Variants in SUPT20H observed in about 807,000 individuals in gnomAD.
SUPT20H encodes the protein transcription factor SPT20 homolog.
SUPT20H carries 82 observed loss-of-function variants against 122.8 expected under a neutral mutation model. That is an observed-to-expected ratio of 0.67 (90% CI 0.56 to 0.80). The LOEUF is 0.80. SUPT20H is among the 30% of genes least tolerant of loss of function. The pLI is 0.00. For synonymous variants in SUPT20H, 291 were observed against 313.0 expected (o/e 0.93, Z 0.74); for missense variants, 831 against 921.6 (o/e 0.90, Z 1.27).
chr13:37,013,399 G>C (rs763307696), intron 23 of SUPT20H: 1 of 150,696 alleles, frequency 6.6e-6, no homozygotes, highest in Non-Finnish European at 1.5e-5. Context: ...TTCAACAAAT[G>C]GTATTGAAAC....
chr13:37,025,305 A>C lies in SUPT20H; in HGVS notation c.1329+15T>G. 1 of 1,571,490 alleles carries C rather than the reference A, an allele frequency of 6.4e-7. No homozygotes were observed. Among genetic ancestry groups the C allele is most frequent in the African/African-American group, 1.3e-5 (1 of 74,142 alleles). ...AAACAACTGGGCACAAAGAAGTAAC[A>C]TTAATGAAACACACATCTGTTTCTT... On this transcript the variant is annotated intron_variant, in intron 17 of 25. Coordinates refer to ENST00000350612, the MANE Select transcript of SUPT20H (RefSeq NM_001014286.3).
chr13:37,034,869 A>G (rs931046863), intron 9 of SUPT20H, among the ~76,000 whole-genome samples: 7 of 152,170 alleles, frequency 4.6e-5, no homozygotes, highest in Non-Finnish European at 7.3e-5. Flanking sequence ...AAATCCTACA[A>G]TCCTTAAGAA....
chr13:37,019,333 C>A lies in SUPT20H; in HGVS notation c.1872+9G>T. On this transcript the variant is annotated intron_variant, in intron 22 of 25. Transcript: ENST00000350612. ...AAAAATTTAATCAAAAGCAGTATTT[C>A]AGGTTTACCTGGAGTAGATTTAAGG... 1 of 1,586,858 alleles carries A rather than the reference C, an allele frequency of 6.3e-7. No homozygotes were observed. Among genetic ancestry groups the A allele is most frequent in the Non-Finnish European group, 8.5e-7 (1 of 1,169,924 alleles).
intron 1 of SUPT20H, among the ~76,000 whole-genome samples, chr13:37,056,189 T>C (rs2068975899): frequency 6.6e-6 from 1 of 152,194 alleles, no homozygotes; most frequent in South Asian, 2.1e-4. Context: ...AGCTCAACCA[T>C]TGTGGAAGTC....
At chr13:37,058,089 A>G (rs1405488977) in intron 1 of SUPT20H, among the ~76,000 whole-genome samples, 2 of 151,526 alleles carry the variant, frequency 1.3e-5, no homozygotes, top group African/African-American at 4.9e-5. Flanking sequence ...CAATGGTGAA[A>G]CCCAGTCTCT....
rs750667394 is a variant in SUPT20H, at chr13:37,026,798, A to C, written c.1170T>G (p.His390Gln). The C allele has an allele frequency of 6.9e-7, 1 of 1,440,684 alleles. No homozygotes were observed. Among genetic ancestry groups the C allele is most frequent in the Admixed American group, 2.7e-5 (1 of 36,850 alleles). The allele number at this position is 1,440,684 out of a possible 1,614,324, so 89.2% of individuals were successfully genotyped here. ...MSPSHSSTDD[H>Q]SNWFIIGSKT... ...GTTTATTTTTTAATTACCAATTTGA[A>C]TGATCATCTGTGGACGAGCTGAAAT... Residue 390 changes from histidine (H) to glutamine (Q), a missense_variant, in exon 15 of 26, where the codon CAT (histidine) becomes CAG (glutamine). Coordinates refer to ENST00000350612, the MANE Select transcript of SUPT20H (RefSeq NM_001014286.3).
intron 23 of SUPT20H, chr13:37,012,539 C>T (rs374642895): frequency 4.3e-5 from 12 of 281,320 alleles, no homozygotes; most frequent in East Asian, 1.9e-4. Context: ...ACCTAGATAA[C>T]GCCTAAGGCT....
chr13:37,010,768 CTT>C (rs1441743382), intron 24 of SUPT20H, 113 bp from the exon 25 acceptor site: 6 of 697,494 alleles, frequency 8.6e-6, no homozygotes, highest in African/African-American at 3.6e-5. Flanking sequence ...TATGATTAAT[CTT>C]AAGTATCAAA....
chr13:37,052,912 T>G (rs1409926404), intron 1 of SUPT20H, among the ~76,000 whole-genome samples: 4 of 151,908 alleles, frequency 2.6e-5, no homozygotes. Flanking sequence ...GCGGCCAACA[T>G]ATGAAAAAAA....
chr13:37,015,785 C>T (rs1253115407), intron 23 of SUPT20H, among the ~76,000 whole-genome samples: 2 of 152,124 alleles, frequency 1.3e-5, no homozygotes, highest in Non-Finnish European at 2.9e-5. Flanking sequence ...ACCCAAGTAT[C>T]CATCAGTGGA....
chr13:37,042,786 G>A (rs12867318), intron 7 of SUPT20H, among the ~76,000 whole-genome samples: 3,617 of 152,274 alleles, frequency 0.024, 65 homozygotes, highest in South Asian at 0.06. Context: ...TTTGAGTAGC[G>A]TGGCTGTCAA....
chr13:37,024,171 C>G lies in SUPT20H; in HGVS notation c.1455G>C (p.Gln485His). Residue 485 changes from glutamine (Q) to histidine (H), a missense_variant, in exon 19 of 26, where the codon CAG becomes CAC. By Grantham distance (24) the Gln-to-His change is conservative. Transcript: ENST00000350612. ...SSSGNYFTPQ[Q>H]TSSFLKSPTP... ...TTGGAGATTTGAGAAAGCTGCTTGT[C>G]TGTTGTGGTGTAAAATAGTTACCTA... 6.2e-7 allele frequency: 1 copy of G among 1,613,268 alleles called. No homozygotes were observed. The highest frequency in any genetic ancestry group is 8.5e-7 in the Non-Finnish European group (1 of 1,179,634).
chr13:37,026,974 C>G (rs2062401315), intron 14 of SUPT20H, among the ~76,000 whole-genome samples, 158 bp from the exon 15 acceptor site: 2 of 152,046 alleles, frequency 1.3e-5, no homozygotes, highest in African/African-American at 4.8e-5. Flanking sequence ...AATTCTCTTC[C>G]TGTCAAACAA....
In SUPT20H at chr13:37,024,061, G is replaced by A; in HGVS notation, c.1565C>T (p.Ala522Val). ...TTGTGATGAGCTGGCAGGTGATAGG[G>A]CAGCTGGAGAAAGCATGCTAACTTG... The part of the protein sequence containing the change: ...LNQVSMLSPA[A>V]LSPASSSQRT... The change falls in exon 19 of 26, where the codon GCC becomes GTC. Residue 522 changes from alanine (A) to valine (V), a missense_variant. Ala to Val is a moderately conservative substitution (Grantham distance 64). Coordinates refer to ENST00000350612, the MANE Select transcript of SUPT20H (RefSeq NM_001014286.3). 1 of 1,612,658 alleles carries A rather than the reference G, an allele frequency of 6.2e-7. No individual in the cohort carries two copies. Among genetic ancestry groups the A allele is most frequent in the Non-Finnish European group, 8.5e-7 (1 of 1,179,394 alleles).
chr13:37,044,774 T>C (rs531260789), intron 6 of SUPT20H, among the ~76,000 whole-genome samples: 3 of 152,330 alleles, frequency 2.0e-5, no homozygotes, highest in Non-Finnish European at 2.9e-5. Flanking sequence ...TTTTAATATG[T>C]GAAAATTACT....
intron 12 of SUPT20H, among the ~76,000 whole-genome samples, chr13:37,030,258 T>G (rs982298054): frequency 1.3e-5 from 2 of 152,174 alleles, no homozygotes; most frequent in African/African-American, 4.8e-5. Context: ...TGAGGGAGAC[T>G]AGGGAAGGTA....
intron 23 of SUPT20H, among the ~76,000 whole-genome samples, chr13:37,014,151 A>G (rs1276930343): frequency 6.6e-6 from 1 of 152,122 alleles, no homozygotes; most frequent in Non-Finnish European, 1.5e-5. Flanking sequence ...AGAAAGAAAC[A>G]AGAAATATTA....
At chr13:37,049,739 C>A (rs529177007) in intron 2 of SUPT20H, among the ~76,000 whole-genome samples, 1 of 151,534 alleles carries the variant, frequency 6.6e-6, no homozygotes, top group African/African-American at 2.4e-5. Context: ...AACTCCATCT[C>A]AAAAAAAACA....
Position 37,017,381 on chromosome 13 carries a change from C to T in SUPT20H, c.1873-17G>A. 1 of 1,590,756 alleles carries T rather than the reference C, an allele frequency of 6.3e-7. No homozygotes were observed. The highest frequency in any genetic ancestry group is 8.5e-7 in the Non-Finnish European group (1 of 1,171,366). Reference sequence around the variant, plus strand: ...ACCTGGAAGCTATTAAGAATTTAAACAAAAATTAACCAATTTCACATGATT... The same window carrying T: ...ACCTGGAAGCTATTAAGAATTTAAATAAAAATTAACCAATTTCACATGATT... On this transcript the variant is annotated splice_polypyrimidine_tract_variant and intron_variant, in intron 22 of 25. Transcript: ENST00000350612.
Sources: gnomAD v4.1 joint callset for allele counts (sites outside exome capture counted in the v4.1 genomes callset) on GRCh38, gnomAD v4.1.1 for gene constraint, MANE v1.5 for transcripts, NCBI Gene and HGNC (gene_info 2026-07-23, HGNC 2026-07-21) for gene names.